Variants in FCHSD2 observed in about 807,000 individuals in gnomAD.
The protein encoded by FCHSD2 is FCH and double SH3 domains 2.
A neutral mutation model predicts 108.1 loss-of-function variants in FCHSD2; 38 were observed. The observed-to-expected ratio is 0.35, with a 90% CI of 0.27 to 0.46. FCHSD2 has a LOEUF of 0.46. Among genes scored for constraint, FCHSD2 ranks in the 20% least tolerant of loss-of-function variants. FCHSD2 has a pLI of 1.00. For missense variants in FCHSD2, 751 were observed against 897.8 expected, an observed-to-expected ratio of 0.84 and a Z score of 2.09; for synonymous variants, 279 against 314.7, an observed-to-expected ratio of 0.89 and a Z score of 1.20.
In FCHSD2 at chr11:73,057,032, G is replaced by A. The variant is rs149982029; in HGVS notation, c.165+26663C>T. ...CAGGAGGCGGAGCTTGCAGTGAGCC[G>A]AGATCACACCACTGCACTCTAGCCT... On this transcript the variant is annotated intron_variant, in intron 3 of 19. Transcript: ENST00000409418. Among the ~76,000 whole-genome samples, 1,215 of 151,452 alleles carry A rather than the reference G, an allele frequency of 8.0e-3. 21 individuals are homozygous for A. Among genetic ancestry groups the A allele is most frequent in the African/African-American group, 0.028 (1,135 of 41,242 alleles).
chr11:72,867,137 T>G (rs923090772), intron 13 of FCHSD2, among the ~76,000 whole-genome samples: 1 of 152,074 alleles, frequency 6.6e-6, no homozygotes, highest in Non-Finnish European at 1.5e-5. Context: ...ATTGAGGAAA[T>G]AAACAGGATG....
intron 8 of FCHSD2, among the ~76,000 whole-genome samples, chr11:72,960,882 T>C (rs930950934): frequency 1.3e-5 from 2 of 152,144 alleles, no homozygotes; most frequent in East Asian, 3.8e-4. Flanking sequence ...GCCAGAAATT[T>C]GGGGGTGAAG....
intron 3 of FCHSD2, among the ~76,000 whole-genome samples, chr11:73,019,250 A>T (rs1028144881): frequency 6.6e-6 from 1 of 152,212 alleles, no homozygotes; most frequent in African/African-American, 2.4e-5. Context: ...AAATTTATGT[A>T]GGAACAAATG....
chr11:73,120,521 G>C (rs371339065), intron 2 of FCHSD2, among the ~76,000 whole-genome samples: 8 of 152,206 alleles, frequency 5.3e-5, no homozygotes, highest in African/African-American at 1.9e-4. Context: ...CCTGAGGTCA[G>C]GGGTTCGAGA....
At chr11:73,044,866 C>G (rs1041028895) in intron 3 of FCHSD2, among the ~76,000 whole-genome samples, 1 of 151,978 alleles carries the variant, frequency 6.6e-6, no homozygotes, top group Non-Finnish European at 1.5e-5. Flanking sequence ...GTCAGGAGAT[C>G]GAGACCATCC....
Position 72,892,850 on chromosome 11 carries a change from C to T in FCHSD2, c.925-2905G>A, listed in dbSNP as rs192603746. Among the ~76,000 whole-genome samples, 8 of 151,948 alleles carry T rather than the reference C, an allele frequency of 5.3e-5. No homozygotes were observed. In the South Asian group the frequency reaches 6.2e-4, roughly 12 times the overall value. ...CGATCTCTTGACCTCGTGATCCACC[C>T]GCCTCGGCCTCCCAAAGTGCTTGGA... On this transcript the variant is annotated intron_variant, in intron 10 of 19. Coordinates refer to ENST00000409418, the MANE Select transcript of FCHSD2 (RefSeq NM_014824.3).
chr11:72,977,055 G>T (rs1857118024), intron 8 of FCHSD2, among the ~76,000 whole-genome samples: 1 of 151,894 alleles, frequency 6.6e-6, no homozygotes, highest in South Asian at 2.1e-4. Flanking sequence ...CTCCTGAGTA[G>T]CTGGGACTAC....
chr11:72,951,480 G>C (rs1344724178), intron 8 of FCHSD2, among the ~76,000 whole-genome samples: 1 of 152,140 alleles, frequency 6.6e-6, no homozygotes, highest in Non-Finnish European at 1.5e-5. Flanking sequence ...TTACTACAAG[G>C]CTTGGCATTT....
At chr11:72,950,051 T>C (rs1167691602) in intron 8 of FCHSD2, among the ~76,000 whole-genome samples, 1 of 152,202 alleles carries the variant, frequency 6.6e-6, no homozygotes, top group African/African-American at 2.4e-5. Flanking sequence ...ATTTTCTGTT[T>C]TTAAAAATTT....
At chr11:72,970,230 T>C (rs1856983723) in intron 8 of FCHSD2, among the ~76,000 whole-genome samples, 1 of 152,208 alleles carries the variant, frequency 6.6e-6, no homozygotes, top group Non-Finnish European at 1.5e-5. Context: ...CCAAAATTAA[T>C]GCTAACAGTG....
chr11:73,041,469 C>T (rs1273383591), intron 3 of FCHSD2, among the ~76,000 whole-genome samples: 4 of 152,088 alleles, frequency 2.6e-5, no homozygotes, highest in Admixed American at 2.6e-4. Context: ...ATTTTCATTT[C>T]CCTGATGATT....
chr11:72,903,646 C>CA (rs527860429), intron 9 of FCHSD2, among the ~76,000 whole-genome samples: 4 of 151,242 alleles, frequency 2.6e-5, no homozygotes, highest in Non-Finnish European at 5.9e-5. Flanking sequence ...TCTGATGGGG[C>CA]AAAAAACCCC....
intron 2 of FCHSD2, among the ~76,000 whole-genome samples, chr11:73,132,455 G>A (rs1301281069): frequency 6.6e-6 from 1 of 152,136 alleles, no homozygotes; most frequent in African/African-American, 2.4e-5. Flanking sequence ...AGCAGAGCTG[G>A]GTTTCAATCT....
At chr11:72,977,173 T>G (rs1427356691) in intron 8 of FCHSD2, among the ~76,000 whole-genome samples, 1 of 152,030 alleles carries the variant, frequency 6.6e-6, no homozygotes, top group East Asian at 1.9e-4. Context: ...CCACCTGCCT[T>G]GGCCTCCCAA....
chr11:72,969,533 C>T (rs1325218828), intron 8 of FCHSD2, among the ~76,000 whole-genome samples: 1 of 152,102 alleles, frequency 6.6e-6, no homozygotes, highest in African/African-American at 2.4e-5. Flanking sequence ...CTTTGTGTGC[C>T]TTGCACAAAG....
intron 1 of FCHSD2, 22 bp from the exon 2 acceptor site, chr11:73,140,150 T>A: frequency 1.4e-6 from 2 of 1,381,466 alleles, no homozygotes; most frequent in Non-Finnish European, 2.0e-6. Flanking sequence ...CATATATTTA[T>A]GAAGGTCTTT....
intron 8 of FCHSD2, among the ~76,000 whole-genome samples, chr11:72,952,360 T>C (rs1450092623): frequency 1.3e-5 from 2 of 152,072 alleles, no homozygotes; most frequent in East Asian, 3.9e-4. Flanking sequence ...GGTCTCACTC[T>C]GTGACCTAGT....
At chr11:73,099,428 G>A (rs1218628085) in intron 2 of FCHSD2, among the ~76,000 whole-genome samples, 1 of 152,046 alleles carries the variant, frequency 6.6e-6, no homozygotes, top group Non-Finnish European at 1.5e-5. Context: ...ATTACTACAT[G>A]ACACAATTCC....
Position 72,987,560 on chromosome 11 carries a change from T to C in FCHSD2, c.521+1404A>G, listed in dbSNP as rs115011804. 8.0e-3 allele frequency among the ~76,000 whole-genome samples: 1,211 copies of C among 152,308 alleles called. 21 individuals are homozygous for C. Among genetic ancestry groups the C allele is most frequent in the African/African-American group, 0.027 (1,135 of 41,570 alleles). On this transcript the variant is annotated intron_variant, in intron 6 of 19. Coordinates refer to ENST00000409418, the MANE Select transcript of FCHSD2 (RefSeq NM_014824.3). ...GAAGATAAAGTGGCATTCCTTACTC[T>C]ATAGTTGAAAAGTTAATATTAATAT...
Sources: gnomAD v4.1 joint callset for allele counts (sites outside exome capture counted in the v4.1 genomes callset) on GRCh38, gnomAD v4.1.1 for gene constraint, MANE v1.5 for transcripts, NCBI Gene and HGNC (gene_info 2026-07-23, HGNC 2026-07-21) for gene names.